FRK: variants seen among roughly 807,000 people sequenced by gnomAD.
FRK encodes the protein tyrosine-protein kinase FRK.
In FRK, 51 loss-of-function variants were observed where a neutral mutation model predicts 56.4. The observed-to-expected ratio is 0.90, with a 90% confidence interval of 0.72 to 1.14. The LOEUF is 1.14. FRK is among the 50% of genes most tolerant of loss of function. The pLI is 0.00. For synonymous variants in FRK, 245 were observed against 217.9 expected (o/e 1.12, Z -1.10); for missense variants, 570 against 601.4 (o/e 0.95, Z 0.55).
At chr6:116,055,157 C>T (rs1427576277) in intron 1 of FRK, among the ~76,000 whole-genome samples, 1 of 152,110 alleles carries the variant, frequency 6.6e-6, no homozygotes, top group Non-Finnish European at 1.5e-5. Flanking sequence ...CACCATGCTG[C>T]TTTCAAGCTC....
At chr6:116,072,213 T>C in the FRK span, among the ~76,000 whole-genome samples, 1 of 152,156 alleles carries the variant, frequency 6.6e-6, no homozygotes, top group African/African-American at 2.4e-5. Flanking sequence ...TTTAGATCTA[T>C]ACTTGTTTCA....
intron 2 of FRK, among the ~76,000 whole-genome samples, chr6:115,975,874 T>C (rs1438765351): frequency 6.6e-6 from 1 of 152,246 alleles, no homozygotes; most frequent in East Asian, 1.9e-4. Flanking sequence ...AATTAGGACA[T>C]ATTGTGGAGA....
intron 2 of FRK, among the ~76,000 whole-genome samples, chr6:115,973,278 A>C (rs1773875295): frequency 6.6e-6 from 1 of 152,136 alleles, no homozygotes; most frequent in African/African-American, 2.4e-5. Flanking sequence ...TGAAGCTGGA[A>C]ACCATCATTC....
intron 1 of FRK, among the ~76,000 whole-genome samples, chr6:116,058,789 T>C (rs1021976098): frequency 2.0e-5 from 3 of 151,686 alleles, no homozygotes; most frequent in Non-Finnish European, 4.4e-5. Flanking sequence ...CAGGCGCCTG[T>C]AGTCCCAGCT....
intron 4 of FRK, among the ~76,000 whole-genome samples, chr6:115,966,606 G>C (rs915475773): frequency 2.6e-5 from 4 of 152,090 alleles, no homozygotes; most frequent in Non-Finnish European, 5.9e-5. Context: ...AGAATTCTGG[G>C]CTAGGTAAAT....
the FRK span, among the ~76,000 whole-genome samples, chr6:116,085,030 A>G: frequency 2.6e-5 from 4 of 152,168 alleles, no homozygotes; most frequent in African/African-American, 9.7e-5. Flanking sequence ...GGGGGCAGTT[A>G]AGAGAGTGGT....
rs566461059 is a variant in FRK at position 116,016,142 on chromosome 6, C to G, written c.345-12144G>C. ...CATGGCAGCCCCTCCCATCACAGGT[C>G]CAGAGGCCTAAAAGAGAAAAATGGT... On this transcript the variant is annotated intron_variant, in intron 1 of 7. Transcript: ENST00000606080. Among the ~76,000 whole-genome samples, 8 of 152,216 alleles carry G rather than the reference C, an allele frequency of 5.3e-5. No individual in the cohort carries two copies. In the South Asian group the frequency reaches 1.7e-3, roughly 32 times the overall value.
intron 1 of FRK, among the ~76,000 whole-genome samples, chr6:116,043,744 G>A (rs570428052): frequency 6.6e-6 from 1 of 152,050 alleles, no homozygotes; most frequent in African/African-American, 2.4e-5. Context: ...GATCCAAGTA[G>A]AACTGAAGGA....
intron 5 of FRK, among the ~76,000 whole-genome samples, chr6:115,948,472 A>C (rs1772554174): frequency 6.6e-6 from 1 of 151,918 alleles, no homozygotes; most frequent in African/African-American, 2.4e-5. Flanking sequence ...TAAGCCACTA[A>C]GTTTTACAAG....
upstream of FRK, among the ~76,000 whole-genome samples, chr6:116,065,582 T>C (rs1161115979): frequency 6.6e-6 from 1 of 152,200 alleles, no homozygotes; most frequent in African/African-American, 2.4e-5. Flanking sequence ...TAAATATGGG[T>C]TCTTGTCTAT....
chr6:115,967,191 T>A (rs1439534730), intron 4 of FRK, among the ~76,000 whole-genome samples: 1 of 152,218 alleles, frequency 6.6e-6, no homozygotes, highest in Non-Finnish European at 1.5e-5. Flanking sequence ...GTTCCCTGAA[T>A]AGTATCAAGA....
rs1018672727 is a variant in FRK at position 115,961,331 on chromosome 6, G to A, written c.800-4721C>T. 5.4e-4 allele frequency among the ~76,000 whole-genome samples: 62 copies of A among 114,290 alleles called. 1 individual carries two copies. Among genetic ancestry groups the A allele is most frequent in the African/African-American group, 2.0e-3 (60 of 29,474 alleles). 75.0% of individuals were successfully genotyped at this position (114,290 alleles called of 152,430 possible). Reference sequence around the variant, plus strand: ...TGAAATGAATGAAATGAAGCAAGAAGGGAAGTTTAGAGAAAAAAGAATAAA... The same window carrying A: ...TGAAATGAATGAAATGAAGCAAGAAAGGAAGTTTAGAGAAAAAAGAATAAA... On this transcript the variant is annotated intron_variant, in intron 4 of 7. Transcript: ENST00000606080.
Position 116,060,216 on chromosome 6 carries a change from T to C in FRK, c.96A>G (p.Pro32=), listed in dbSNP as rs141341010. The C allele has an allele frequency of 3.7e-6, 6 of 1,614,018 alleles. No individual in the cohort carries two copies. The highest frequency in any genetic ancestry group is 2.7e-5 in the African/African-American group (2 of 74,920). Residue 32 remains proline (P), a synonymous_variant, in exon 1 of 8, where the codon CCA becomes CCG. Transcript: ENST00000606080. ...GTGACTGGGGAGAGCAAAGGGCCCC[T>C]GGATTTTCAATCACGGTTGACTTGT... ...EADKSTVIEN[P]GALCSPQSQR... is the part of the protein sequence containing the mutation.
intron 2 of FRK, among the ~76,000 whole-genome samples, chr6:115,974,573 CT>C (rs1773923586): frequency 6.6e-6 from 1 of 152,108 alleles, no homozygotes; most frequent in African/African-American, 2.4e-5. Context: ...ACATGTCAGT[CT>C]CATGGGCCTT....
intron 1 of FRK, among the ~76,000 whole-genome samples, chr6:116,039,917 C>T (rs1582745346): frequency 1.4e-5 from 2 of 144,740 alleles, no homozygotes; most frequent in South Asian, 4.3e-4. Context: ...GAACCACCCA[C>T]GTGTGAGGGA....
the FRK span, among the ~76,000 whole-genome samples, chr6:116,072,608 C>G: frequency 1.7e-3 from 263 of 151,914 alleles, 3 homozygotes; most frequent in African/African-American, 5.6e-3. Context: ...GTGTTTCCTT[C>G]CCCTACCATG....
intron 5 of FRK, among the ~76,000 whole-genome samples, chr6:115,950,191 T>C (rs1389686961): frequency 6.6e-6 from 1 of 152,140 alleles, no homozygotes; most frequent in African/African-American, 2.4e-5. Flanking sequence ...TGGGATCTAA[T>C]TAAACAAAAG....
chr6:116,054,514 C>T (rs1777312207), intron 1 of FRK, among the ~76,000 whole-genome samples: 3 of 140,548 alleles, frequency 2.1e-5, no homozygotes, highest in African/African-American at 7.8e-5. Flanking sequence ...TAATATTATA[C>T]TATATATTAT....
intron 1 of FRK, among the ~76,000 whole-genome samples, chr6:116,034,011 G>A (rs1200240782): frequency 3.3e-5 from 5 of 152,078 alleles, no homozygotes; most frequent in African/African-American, 9.7e-5. Flanking sequence ...AAATCAGAAC[G>A]ATTCCAAGGT....
Sources: gnomAD v4.1 joint callset for allele counts (sites outside exome capture counted in the v4.1 genomes callset) on GRCh38, gnomAD v4.1.1 for gene constraint, MANE v1.5 for transcripts, NCBI Gene and HGNC (gene_info 2026-07-23, HGNC 2026-07-21) for gene names.